Variants in PELI2 observed in about 807,000 individuals in gnomAD.
PELI2 encodes E3 ubiquitin-protein ligase pellino homolog 2.
In PELI2, 23 loss-of-function variants were observed where a neutral mutation model predicts 42.3. The ratio of observed to expected loss-of-function variants is 0.54; its 90% CI spans 0.39 to 0.77. The LOEUF (loss-of-function observed/expected upper bound fraction) is 0.77, where lower values mean the gene tolerates loss of function less well. Ranked by LOEUF, PELI2 falls within the 30% of genes least tolerant of loss-of-function variation. The pLI is 0.00. For missense variants in PELI2, 463 were observed against 553.2 expected, an observed-to-expected ratio of 0.84 and a Z score of 1.64; for synonymous variants, 245 against 212.2, an observed-to-expected ratio of 1.15 and a Z score of -1.34.
chr14:56,257,210 A>G (rs1455999624), intron 2 of PELI2, among the ~76,000 whole-genome samples: 2 of 152,160 alleles, frequency 1.3e-5, no homozygotes, highest in Non-Finnish European at 2.9e-5. Flanking sequence ...GTGCTAGGAA[A>G]TGTTCTAGGT....
chr14:56,168,448 C>T (rs1166058367), intron 1 of PELI2, among the ~76,000 whole-genome samples: 2 of 152,160 alleles, frequency 1.3e-5, no homozygotes, highest in Non-Finnish European at 2.9e-5. Flanking sequence ...ACCCCTTAGC[C>T]ACTGCCACCC....
At chr14:56,233,941 G>T (rs1023886708) in intron 2 of PELI2, among the ~76,000 whole-genome samples, 2 of 152,140 alleles carry the variant, frequency 1.3e-5, no homozygotes, top group African/African-American at 4.8e-5. Context: ...GTGGGCGAAG[G>T]ACATGAACAG....
At chr14:56,136,937 T>G (rs1247221531) in intron 1 of PELI2, among the ~76,000 whole-genome samples, 1 of 152,192 alleles carries the variant, frequency 6.6e-6, no homozygotes, top group Non-Finnish European at 1.5e-5. Context: ...AGTGTGTTTC[T>G]CAGCTTCTTG....
At position 56,290,372 on chromosome 14, in the gene PELI2, G is replaced by T. The variant is rs1249081408; in HGVS notation, c.612G>T (p.Gln204His). Residue 204 changes from glutamine (Q) to histidine (H), a missense_variant, in exon 5 of 6, where the codon CAG becomes CAT. Gln to His is a conservative substitution (Grantham distance 24). Transcript: ENST00000267460. Reference protein sequence around the residue: ...HPRGGFTEESQPGVWREISVC... With the variant: ...HPRGGFTEESHPGVWREISVC... ...GAGGGGGCTTCACCGAGGAGTCCCA[G>T]CCCGGGGTCTGGCGCGAGATCTCTG... 10 of 1,613,812 alleles carry T rather than the reference G, an allele frequency of 6.2e-6. No homozygotes were observed. The Admixed American group carries it at 1.7e-4, about 27-fold the overall frequency.
At chr14:56,289,084 T>G (rs912529359) in intron 4 of PELI2, among the ~76,000 whole-genome samples, 1 of 152,258 alleles carries the variant, frequency 6.6e-6, no homozygotes, top group Non-Finnish European at 1.5e-5. Flanking sequence ...CTTGAATCCC[T>G]GCCCTTATAG....
intron 3 of PELI2, among the ~76,000 whole-genome samples, chr14:56,286,528 G>A (rs900211500): frequency 3.3e-5 from 5 of 152,134 alleles, no homozygotes; most frequent in Non-Finnish European, 7.4e-5. Flanking sequence ...ATGACTACCG[G>A]CATTCTGTGA....
At chr14:56,280,504 G>A (rs1398220834) in intron 3 of PELI2, among the ~76,000 whole-genome samples, 1 of 151,982 alleles carries the variant, frequency 6.6e-6, no homozygotes, top group Non-Finnish European at 1.5e-5. Flanking sequence ...ACAGAAAAAA[G>A]CAAGCATAAG....
chr14:56,263,433 A>G (rs997535231), intron 2 of PELI2, among the ~76,000 whole-genome samples: 44 of 152,354 alleles, frequency 2.9e-4, no homozygotes, highest in Middle Eastern at 6.8e-3. Flanking sequence ...ACTATCATCT[A>G]AACATTGAAT....
At chr14:56,238,838 T>G (rs1210120026) in intron 2 of PELI2, among the ~76,000 whole-genome samples, 3 of 152,168 alleles carry the variant, frequency 2.0e-5, no homozygotes, top group Non-Finnish European at 4.4e-5. Context: ...TAAAGTTATC[T>G]TAAGGTTCAC....
At chr14:56,231,352 C>A (rs55916872) in intron 2 of PELI2, among the ~76,000 whole-genome samples, 1 of 151,990 alleles carries the variant, frequency 6.6e-6, no homozygotes, top group Admixed American at 6.6e-5. Context: ...GACCACATAG[C>A]TGGAAGTAAA....
chr14:56,141,041 G>A (rs140249430), intron 1 of PELI2, among the ~76,000 whole-genome samples: 240 of 152,228 alleles, frequency 1.6e-3, no homozygotes, highest in African/African-American at 5.2e-3. Flanking sequence ...AAAAATAGTC[G>A]TTTTGTCTGG....
chr14:56,267,555 C>A (rs1195330087), intron 2 of PELI2, among the ~76,000 whole-genome samples: 1 of 152,164 alleles, frequency 6.6e-6, no homozygotes, highest in East Asian at 1.9e-4. Flanking sequence ...AGATTGTAAT[C>A]TGCATGTTTC....
rs1033081864 is a variant in PELI2, at chr14:56,232,969, CA to C, written c.208-46706del. Among the ~76,000 whole-genome samples, 7 of 151,968 alleles carry C rather than the reference CA, an allele frequency of 4.6e-5. No homozygotes were observed. The East Asian group carries it at 7.7e-4, about 17-fold the overall frequency. On this transcript the variant is annotated intron_variant, in intron 2 of 5. Transcript: ENST00000267460. ...AGCATTCCTATACCAATAAGACAAACAGAGAGCCAAATCATGAGTGAAGTCC... is the reference window on the plus strand; with the variant it reads ...AGCATTCCTATACCAATAAGACAAACGAGAGCCAAATCATGAGTGAAGTCC...
chr14:56,252,211 C>G (rs192627623), intron 2 of PELI2, among the ~76,000 whole-genome samples: 53 of 152,238 alleles, frequency 3.5e-4, no homozygotes, highest in Admixed American at 1.4e-3. Flanking sequence ...AGTAGCCAGA[C>G]TTGATAAAAA....
At position 56,197,969 on chromosome 14, in the gene PELI2, GACACACACACACACACACACACACACAC is replaced by G. The variant is rs4038318; in HGVS notation, c.207+19522_207+19549del. Among the ~76,000 whole-genome samples, 3 of 129,702 alleles carry G rather than the reference GACACACACACACACACACACACACACAC, an allele frequency of 2.3e-5. No individual in the cohort carries two copies. Among genetic ancestry groups the G allele is most frequent in the Non-Finnish European group, 4.8e-5 (3 of 62,242 alleles). The allele number at this position is 129,702 out of a possible 152,430, so 85.1% of individuals were successfully genotyped here. ...CACACCAGGGATCATGACTGGTGAAGACACACACACACACACACACACACACACACACACACACACACACCCACCTCTT... is the reference window on the plus strand; with the variant it reads ...CACACCAGGGATCATGACTGGTGAAGACACACACACACACACCCACCTCTT... On this transcript the variant is annotated intron_variant, in intron 2 of 5. Transcript: ENST00000267460. This position sits in a 1 kb window ranked among gnomAD's most constrained non-coding sequence, Gnocchi z 4.9.
intron 2 of PELI2, among the ~76,000 whole-genome samples, chr14:56,224,250 T>C (rs1887260176): frequency 6.6e-6 from 1 of 152,220 alleles, no homozygotes; most frequent in Non-Finnish European, 1.5e-5. Context: ...CATACAATGA[T>C]TTAATACTGC....
In PELI2 at chr14:56,230,533, T is replaced by C. The variant is rs563972742; in HGVS notation, c.208-49143T>C. 2.2e-3 allele frequency among the ~76,000 whole-genome samples: 341 copies of C among 152,250 alleles called. 1 individual carries two copies. Among genetic ancestry groups the C allele is most frequent in the Middle Eastern group, 0.017 (5 of 294 alleles). ...GAAGTGAAGGAGAAATAAAATCCTTTACACACAAGCAAATGCTGAGAGATT... is the reference window on the plus strand; with the variant it reads ...GAAGTGAAGGAGAAATAAAATCCTTCACACACAAGCAAATGCTGAGAGATT... On this transcript the variant is annotated intron_variant, in intron 2 of 5. Coordinates refer to ENST00000267460, the MANE Select transcript of PELI2 (RefSeq NM_021255.3).
At chr14:56,150,982 A>G (rs938460649) in intron 1 of PELI2, among the ~76,000 whole-genome samples, 4 of 152,230 alleles carry the variant, frequency 2.6e-5, no homozygotes, top group Non-Finnish European at 5.9e-5. Context: ...AGGGAATGAA[A>G]TGATTTTGTC....
chr14:56,172,296 C>T (rs1885206031), intron 1 of PELI2, among the ~76,000 whole-genome samples: 1 of 152,160 alleles, frequency 6.6e-6, no homozygotes, highest in South Asian at 2.1e-4. Flanking sequence ...AGGGTGGGCT[C>T]TGCTGGGACC....
Sources: gnomAD v4.1 joint callset for allele counts (sites outside exome capture counted in the v4.1 genomes callset) on GRCh38, gnomAD v4.1.1 for gene constraint, Gnocchi (gnomAD v3.1) non-coding constraint, MANE v1.5 for transcripts, NCBI Gene and HGNC (gene_info 2026-07-23, HGNC 2026-07-21) for gene names.